Variants in ACAP3 observed in about 807,000 individuals in gnomAD.
The protein encoded by ACAP3 is arf-GAP with coiled-coil, ANK repeat and PH domain-containing protein 3.
ACAP3 carries 56 observed loss-of-function variants against 104.1 expected under a neutral mutation model. The observed-to-expected ratio is 0.54, with a 90% CI of 0.43 to 0.67. The LOEUF (loss-of-function observed/expected upper bound fraction) is 0.67, where lower values mean the gene tolerates loss of function less well. Among genes scored for constraint, ACAP3 ranks in the 30% least tolerant of loss-of-function variants. The pLI is 0.00. For missense variants in ACAP3, 1,208 were observed against 1,174.9 expected, an observed-to-expected ratio of 1.03 and a Z score of -0.41; for synonymous variants, 628 against 496.2, an observed-to-expected ratio of 1.27 and a Z score of -3.53.
chr1:1,299,210 C>CGCATCA, intron 10 of ACAP3, 135 bp downstream of exon 10: 1 of 1,188,798 alleles, frequency 8.4e-7, no homozygotes, highest in Non-Finnish European at 1.2e-6. Context: ...CCCTCACAGC[C>CGCATCA]GCATCAGCAG....
In ACAP3 at chr1:1,302,951, T is replaced by C. The variant is rs760141765; in HGVS notation, c.250A>G (p.Ser84Gly). The C allele has an allele frequency of 6.2e-7, 1 of 1,611,542 alleles. No individual in the cohort carries two copies. Reference sequence around the variant, plus strand: ...TGGTAGTTCACCACCTCCTGTAGGCTGTCAGCGAACCTCTGCAGACATTCC... The same window carrying C: ...TGGTAGTTCACCACCTCCTGTAGGCCGTCAGCGAACCTCTGCAGACATTCC... ...ISECLQRFAD[S>G]LQEVVNYHMI... is the part of the protein sequence containing the mutation. Residue 84 changes from serine to glycine, a missense_variant, in exon 4 of 24, where the codon AGC becomes GGC. Ser to Gly is a moderately conservative substitution (Grantham distance 56). Coordinates refer to ENST00000354700, the MANE Select transcript of ACAP3 (RefSeq NM_030649.3).
Position 1,307,915 on chromosome 1 carries a change from C to T in ACAP3, c.-100G>A. 1.6e-6 allele frequency: 1 copy of T among 639,228 alleles called. No individual in the cohort carries two copies. The highest frequency in any genetic ancestry group is 1.9e-6 in the Non-Finnish European group (1 of 516,112). 39.6% of individuals were successfully genotyped at this position (639,228 alleles called of 1,614,324 possible). A position where few individuals can be genotyped will look rare whatever the true frequency, so the allele number is the denominator to read the frequency against. On this transcript the variant is annotated 5_prime_UTR_variant, in exon 1 of 24. Transcript: ENST00000354700. ...CGTCCCGCCCGCGCCGCCTCGGCGC[C>T]CGCCCGCCCCGGAATGAGGCCGCCG...
Position 1,295,900 on chromosome 1 carries a change from T to A in ACAP3, c.1541A>T (p.Glu514Val), listed in dbSNP as rs139847292. 1,767 of 1,612,264 alleles carry A rather than the reference T, an allele frequency of 1.1e-3. 10 individuals carry two copies. In the African/African-American group the frequency reaches 0.021, roughly 19 times the overall value. ...GGGCGCCTTCCGCAGAAACTTCTTT[T>A]CCACGTATTTGTCCTTGATCCAGGC... ...KEAWIKDKYV[E>V]KKFLRKAPMA... Residue 514 changes from glutamate (E) to valine (V), a missense_variant, in exon 18 of 24, where the codon GAA (glutamate) becomes GTA (valine). Glu to Val is a moderately radical substitution (Grantham distance 121, BLOSUM62 -2). Transcript: ENST00000354700.
rs753282888 is a variant in ACAP3 at position 1,297,985 on chromosome 1, C to T, written c.1016+28G>A. ...AGCTCCGGTGGGCAGGTACGCCCCC[C>T]GCCCCACCCTGGGCTGGGCCTCCTC... On this transcript the variant is annotated intron_variant, in intron 13 of 23. Transcript: ENST00000354700. The T allele has an allele frequency of 6.8e-5, 110 of 1,610,990 alleles. 1 individual carries two copies. Among genetic ancestry groups the T allele is most frequent in the Non-Finnish European group, 4.2e-5 (50 of 1,179,204 alleles).
rs373001866 is a variant in ACAP3, at chr1:1,299,305, C to A, written c.750+40G>T. The A allele has an allele frequency of 3.0e-4, 471 of 1,588,266 alleles. 2 individuals are homozygous for A. The African/African-American group carries it at 5.5e-3, about 18-fold the overall frequency. ...GGAAAGGCACCGCCCCATCTGGTCT[C>A]CCCCGACCCACAGCCCGCCCAGGGC... On this transcript the variant is annotated intron_variant, in intron 10 of 23. Coordinates refer to ENST00000354700, the MANE Select transcript of ACAP3 (RefSeq NM_030649.3).
intron 1 of ACAP3, among the ~76,000 whole-genome samples, chr1:1,306,601 G>C (rs1196660806): frequency 6.6e-6 from 1 of 152,168 alleles, no homozygotes; most frequent in Non-Finnish European, 1.5e-5. Flanking sequence ...GGGATACAGA[G>C]GCTCCCCGTG....
chr1:1,296,776 C>A (rs978344339), intron 14 of ACAP3, 143 bp from the exon 15 acceptor site: 13 of 860,206 alleles, frequency 1.5e-5, no homozygotes, highest in South Asian at 4.9e-5. Context: ...CACGCGCACA[C>A]CCTCACGTGG....
At chr1:1,306,584 G>A (rs3737718) in intron 1 of ACAP3, among the ~76,000 whole-genome samples, 25,483 of 152,130 alleles carry the variant, frequency 0.17, 5,180 homozygotes, top group East Asian at 0.56. Flanking sequence ...TCCTGGTGAG[G>A]GCTCCAGGGA....
At position 1,296,074 on chromosome 1, in the gene ACAP3, C is replaced by G. The variant is rs764700641; in HGVS notation, c.1443G>C (p.Gln481His). The change falls in exon 17 of 24, where the codon CAG (glutamine) becomes CAC (histidine). Residue 481 changes from glutamine (Q) to histidine (H), a missense_variant. Gln to His is a conservative substitution (Grantham distance 24). Coordinates refer to ENST00000354700, the MANE Select transcript of ACAP3 (RefSeq NM_030649.3). ...MCELGNSAVN[Q>H]IYEAQCEGAG... ...CACCCTCACACTGGGCCTCATAGATCTGATTCACAGCGCTGTTTCCAAGCT... is the reference window on the plus strand; with the variant it reads ...CACCCTCACACTGGGCCTCATAGATGTGATTCACAGCGCTGTTTCCAAGCT... 2 of 1,612,800 alleles carry G rather than the reference C, an allele frequency of 1.2e-6. No homozygotes were observed. Among genetic ancestry groups the G allele is most frequent in the Non-Finnish European group, 1.7e-6 (2 of 1,179,984 alleles).
intron 1 of ACAP3, 45 bp from the exon 2 acceptor site, chr1:1,304,188 C>T: frequency 6.5e-7 from 1 of 1,549,308 alleles, no homozygotes; most frequent in Non-Finnish European, 8.7e-7. Context: ...CAGCCTCAGC[C>T]CCCTCGGGGC....
intron 1 of ACAP3, chr1:1,307,321 T>G: frequency 7.8e-7 from 1 of 1,289,158 alleles, no homozygotes; most frequent in Non-Finnish European, 1.0e-6. Flanking sequence ...CCACTTCACG[T>G]TTCCAAGCAC....
intron 21 of ACAP3, 32 bp from the exon 22 acceptor site, chr1:1,294,231 C>A (rs751564931): frequency 1.3e-6 from 2 of 1,549,388 alleles, no homozygotes; most frequent in African/African-American, 1.4e-5. Flanking sequence ...GACGGAGCCA[C>A]GGCACCGGCC....
In ACAP3 at chr1:1,296,270, C is replaced by T; in HGVS notation, c.1348G>A (p.Val450Ile). Residue 450 changes from valine to isoleucine, a missense_variant, in exon 16 of 24, where the codon GTC (valine) becomes ATC (isoleucine). Coordinates refer to ENST00000354700, the MANE Select transcript of ACAP3 (RefSeq NM_030649.3). ...AGGGACCGCACCTTGGAGCAGTGGA[C>T]ACCCAGGCTCCTGGAGAGCAGAGGT... The part of the protein sequence containing the change: ...ECSGIHRSLG[V>I]HCSKVRSLTL... 5.1e-6 allele frequency: 8 copies of T among 1,558,276 alleles called. No individual in the cohort carries two copies. The highest frequency in any genetic ancestry group is 1.2e-5 in the South Asian group (1 of 85,036).
At chr1:1,304,716 ACGGGTAGG>A (rs1322011315) in intron 1 of ACAP3, 4 of 156,158 alleles carry the variant, frequency 2.6e-5, no homozygotes, top group African/African-American at 9.6e-5. Context: ...CGCTGGAAAG[ACGGGTAGG>A]CCATCCTCCT....
chr1:1,304,417 G>A (rs74564044), intron 1 of ACAP3: 12,557 of 560,652 alleles, frequency 0.022, 177 homozygotes, highest in Non-Finnish European at 0.028. Flanking sequence ...CCGGCCGCTG[G>A]GAGTCCCTCA....
rs538976454 is a variant in ACAP3 at position 1,299,868 on chromosome 1, C to T, written c.701G>A (p.Arg234His). ...QLVIDSAVEK[R>H]EMERKHAAIQ... is the part of the protein sequence containing the mutation. ...GGCGGCGTGCTTTCGCTCCATCTCACGCTTTTCCACCGCAGAGTCGATCAC... is the reference window on the plus strand; with the variant it reads ...GGCGGCGTGCTTTCGCTCCATCTCATGCTTTTCCACCGCAGAGTCGATCAC... The change falls in exon 9 of 24, where the codon CGT becomes CAT. Residue 234 changes from arginine to histidine, a missense_variant. By Grantham distance (29) the Arg-to-His change is conservative. Coordinates refer to ENST00000354700, the MANE Select transcript of ACAP3 (RefSeq NM_030649.3). 18 of 1,569,588 alleles carry T rather than the reference C, an allele frequency of 1.1e-5. No homozygotes were observed. Among genetic ancestry groups the T allele is most frequent in the Non-Finnish European group, 1.4e-5 (16 of 1,155,684 alleles).
chr1:1,292,410 C>T lies in ACAP3; in HGVS notation c.*1154G>A, dbSNP rs2100364147. The T allele has an allele frequency of 6.6e-6, 1 of 152,476 alleles. No individual in the cohort carries two copies. The highest frequency in any genetic ancestry group is 1.9e-4 in the East Asian group (1 of 5,188). The allele number at this position is 152,476 out of a possible 1,614,324, so 9.4% of individuals were successfully genotyped here. ...AGGCAGTGGGCGCAAGTGCTTTATT[C>T]AAAGCGAGGGGTGGGGGGTGAGACC... On this transcript the variant is annotated 3_prime_UTR_variant, in exon 24 of 24. Transcript: ENST00000354700.
chr1:1,298,210 T>G, intron 12 of ACAP3, 97 bp from the exon 13 acceptor site: 1 of 1,567,020 alleles, frequency 6.4e-7, no homozygotes, highest in Non-Finnish European at 8.7e-7. Flanking sequence ...GCCGACTGCC[T>G]GAGCCCCAAG....
In ACAP3 at chr1:1,294,537, C is replaced by A; in HGVS notation, c.2004G>T (p.Pro668=). Residue 668 remains proline (P), a synonymous_variant, in exon 21 of 24, where the codon CCG becomes CCT. Transcript: ENST00000354700. ...GCGCTGCGCGGTGCGCCAAGAGCCC[C>A]GGGTGCAGCTCGCGCACGTCCGCCA... ...WGLADVRELH[P]GLLAHRAARA... 6.7e-7 allele frequency: 1 copy of A among 1,497,306 alleles called. No homozygotes were observed. The highest frequency in any genetic ancestry group is 2.6e-5 in the East Asian group (1 of 37,832). The allele number at this position is 1,497,306 out of a possible 1,614,324, so 92.8% of individuals were successfully genotyped here.
Sources: gnomAD v4.1 joint callset for allele counts (sites outside exome capture counted in the v4.1 genomes callset) on GRCh38, gnomAD v4.1.1 for gene constraint, MANE v1.5 for transcripts, NCBI Gene and HGNC (gene_info 2026-07-23, HGNC 2026-07-21) for gene names.